The following TENM4 variants were observed in gnomAD, a reference collection of about 807,000 sequenced individuals.
TENM4 encodes the protein teneurin transmembrane protein 4.
TENM4 carries 82 observed loss-of-function variants against 243.3 expected under a neutral mutation model. The ratio of observed to expected loss-of-function variants is 0.34; its 90% CI spans 0.28 to 0.40. The LOEUF is 0.40. TENM4 is among the 10% of genes least tolerant of loss of function. The pLI, the probability that TENM4 is intolerant of heterozygous loss-of-function variation, is 1.00. For missense variants in TENM4, 3,138 were observed against 3,673.3 expected, an observed-to-expected ratio of 0.85 and a Z score of 3.77; for synonymous variants, 1,412 against 1,456.3, an observed-to-expected ratio of 0.97 and a Z score of 0.69.
intron 1 of TENM4, among the ~76,000 whole-genome samples, chr11:79,321,660 A>AAAG (rs879638469): frequency 2.0e-5 from 3 of 151,212 alleles, no homozygotes; most frequent in African/African-American, 7.3e-5. Context: ...AAAAAAAAAA[A>AAAG]AAAAGGGAGA....
intron 4 of TENM4, among the ~76,000 whole-genome samples, chr11:79,130,425 T>C (rs1299301380): frequency 6.6e-6 from 1 of 151,412 alleles, no homozygotes; most frequent in African/African-American, 2.4e-5. Flanking sequence ...AGGAGGTTAG[T>C]CATTAAGCTA....
chr11:79,197,275 CAATG>C (rs1863649022), intron 3 of TENM4, among the ~76,000 whole-genome samples: 1 of 151,558 alleles, frequency 6.6e-6, no homozygotes, highest in Non-Finnish European at 1.5e-5. Context: ...AGAGGGGAGA[CAATG>C]AAGGGAAAGG....
chr11:79,099,791 C>T (rs1241711668), intron 4 of TENM4, among the ~76,000 whole-genome samples: 1 of 152,230 alleles, frequency 6.6e-6, no homozygotes, highest in African/African-American at 2.4e-5. Context: ...GAGAGCACAG[C>T]AAGCTCTGCT....
chr11:78,835,006 A>G (rs1290072406), intron 12 of TENM4, among the ~76,000 whole-genome samples: 2 of 151,836 alleles, frequency 1.3e-5, no homozygotes, highest in East Asian at 3.9e-4. Flanking sequence ...TTTTTTTCAA[A>G]AGTCTGCTGG....
At chr11:78,774,998 G>A (rs900780520) in intron 17 of TENM4, among the ~76,000 whole-genome samples, 4 of 152,188 alleles carry the variant, frequency 2.6e-5, no homozygotes, top group African/African-American at 9.6e-5. Context: ...AGTGAACCTT[G>A]TGAAATAGTA....
At chr11:78,870,206 G>A (rs1455671430) in intron 9 of TENM4, among the ~76,000 whole-genome samples, 4 of 152,352 alleles carry the variant, frequency 2.6e-5, no homozygotes, top group East Asian at 3.9e-4. Flanking sequence ...CATACCAGGA[G>A]CTCAGTAAAT....
chr11:78,898,883 T>C (rs1042121141), intron 7 of TENM4, among the ~76,000 whole-genome samples: 7 of 152,302 alleles, frequency 4.6e-5, no homozygotes, highest in Non-Finnish European at 1.0e-4. Flanking sequence ...ACTCAGTGAA[T>C]ATTTATTGAA....
At chr11:79,384,923 C>T (rs1467502914) in intron 1 of TENM4, among the ~76,000 whole-genome samples, 1 of 31,218 alleles carries the variant, frequency 3.2e-5, no homozygotes, top group Non-Finnish European at 6.9e-5. Context: ...AAGACTCCGT[C>T]TCAAAAAATA....
intron 6 of TENM4, among the ~76,000 whole-genome samples, chr11:78,911,028 G>T (rs1856172727): frequency 6.6e-6 from 1 of 152,176 alleles, no homozygotes; most frequent in Non-Finnish European, 1.5e-5. Flanking sequence ...CATTCATTTA[G>T]TCAGGACAGA....
In TENM4 at chr11:79,369,120, C is replaced by T. The variant is rs1176216774; in HGVS notation, c.-321+71389G>A. ...AGACAAAAAAAGAACAGACCACATC[C>T]TAGCTGAGAATGAAATCATTTTTTT... On this transcript the variant is annotated intron_variant, in intron 1 of 33. Transcript: ENST00000278550. 2.0e-5 allele frequency among the ~76,000 whole-genome samples: 3 copies of T among 152,280 alleles called. No homozygotes were observed. The East Asian group carries it at 5.8e-4, about 29-fold the overall frequency.
At chr11:79,217,264 T>G (rs1462056646) in intron 2 of TENM4, among the ~76,000 whole-genome samples, 1 of 152,158 alleles carries the variant, frequency 6.6e-6, no homozygotes, top group South Asian at 2.1e-4. Context: ...AATTTGAATA[T>G]AGGCCCTCAA....
At chr11:79,297,271 A>C (rs1856470863) in intron 2 of TENM4, among the ~76,000 whole-genome samples, 1 of 152,224 alleles carries the variant, frequency 6.6e-6, no homozygotes. Flanking sequence ...CCTGTTAAAC[A>C]TGTCAACTCC....
chr11:78,825,029 C>T (rs528504673), intron 12 of TENM4, among the ~76,000 whole-genome samples: 11 of 152,290 alleles, frequency 7.2e-5, no homozygotes, highest in South Asian at 4.2e-4. Flanking sequence ...TCCAGCCACT[C>T]GCAAATGTAT....
chr11:79,375,716 T>A (rs1166163350), intron 1 of TENM4, among the ~76,000 whole-genome samples: 1 of 152,218 alleles, frequency 6.6e-6, no homozygotes, highest in Non-Finnish European at 1.5e-5. Flanking sequence ...CATACACATA[T>A]TTAATCAAAG....
rs369253670 is a variant in TENM4 at position 78,732,400 on chromosome 11, G to C, written c.3054C>G (p.Arg1018=). 1 of 1,613,838 alleles carries C rather than the reference G, an allele frequency of 6.2e-7. No homozygotes were observed. The highest frequency in any genetic ancestry group is 1.3e-5 in the African/African-American group (1 of 74,892). ...GGGATGGAGAGACGACTGGGTTGGG[G>C]CGGGCAAAATTGCTCAGGTCACAGC... The part of the protein sequence containing the change: ...IPSCDLSNFA[R]PNPVVSPSPL... The change falls in exon 21 of 34, where the codon CGC becomes CGG. Residue 1018 remains arginine (R), a synonymous_variant. Transcript: ENST00000278550.
intron 6 of TENM4, among the ~76,000 whole-genome samples, chr11:79,053,297 T>C (rs1427752182): frequency 6.6e-6 from 1 of 152,194 alleles, no homozygotes; most frequent in Non-Finnish European, 1.5e-5. Flanking sequence ...TTTAAACTGC[T>C]AGTAATTCAA....
At chr11:78,671,797 C>G (rs558088123) in intron 31 of TENM4, among the ~76,000 whole-genome samples, 3 of 152,240 alleles carry the variant, frequency 2.0e-5, no homozygotes, top group African/African-American at 7.2e-5. Flanking sequence ...GGCCTCTACT[C>G]TATCAGGCAG....
chr11:78,941,975 G>A (rs747855135), intron 6 of TENM4, among the ~76,000 whole-genome samples: 2 of 151,952 alleles, frequency 1.3e-5, no homozygotes, highest in Non-Finnish European at 2.9e-5. Flanking sequence ...GTGCTGTGGT[G>A]GACCAGGGCT....
chr11:79,244,794 A>C (rs1274591316), intron 2 of TENM4, among the ~76,000 whole-genome samples: 1 of 152,146 alleles, frequency 6.6e-6, no homozygotes, highest in Non-Finnish European at 1.5e-5. Flanking sequence ...GAGAAAGGGA[A>C]GGTGGGGAAA....
Sources: gnomAD v4.1 joint callset for allele counts (sites outside exome capture counted in the v4.1 genomes callset) on GRCh38, gnomAD v4.1.1 for gene constraint, MANE v1.5 for transcripts, NCBI Gene and HGNC (gene_info 2026-07-23, HGNC 2026-07-21) for gene names.